The following MSRA variants were observed in gnomAD, a reference collection of about 807,000 sequenced individuals.
MSRA encodes the protein mitochondrial peptide methionine sulfoxide reductase.
A neutral mutation model predicts 31.3 loss-of-function variants in MSRA; 54 were observed. That is an observed-to-expected ratio of 1.73 (90% CI 1.39 to 2.17). MSRA has a LOEUF of 2.17. Ranked by LOEUF, MSRA falls within the 30% of genes most tolerant of loss-of-function variation. The pLI, the probability that MSRA is intolerant of heterozygous loss-of-function variation, is 0.00. For missense variants in MSRA, 507 were observed against 300.9 expected (o/e 1.69, Z -5.07); for synonymous variants, 169 against 116.5 (o/e 1.45, Z -2.90).
chr8:10,197,268 C>T (rs1368306673), intron 1 of MSRA, among the ~76,000 whole-genome samples: 1 of 152,064 alleles, frequency 6.6e-6, no homozygotes, highest in African/African-American at 2.4e-5. Context: ...TCACAGACGC[C>T]TAAGTTAGAC....
At chr8:10,217,696 A>C (rs576534535) in intron 2 of MSRA, among the ~76,000 whole-genome samples, 1 of 152,118 alleles carries the variant, frequency 6.6e-6, no homozygotes, top group Non-Finnish European at 1.5e-5. Flanking sequence ...CAGCTGCCCT[A>C]TCAACTCATC....
chr8:10,143,237 C>A (rs1331482802), intron 1 of MSRA, among the ~76,000 whole-genome samples: 1 of 152,132 alleles, frequency 6.6e-6, no homozygotes, highest in African/African-American at 2.4e-5. Context: ...ACTTATCCCT[C>A]ACATCACCCG....
chr8:10,159,177 C>G (rs554944281), intron 1 of MSRA, among the ~76,000 whole-genome samples: 1 of 152,106 alleles, frequency 6.6e-6, no homozygotes, highest in South Asian at 2.1e-4. Flanking sequence ...AAATACTGTC[C>G]GTAAGAATTT....
At chr8:10,397,536 G>A (rs929351133) in intron 5 of MSRA, among the ~76,000 whole-genome samples, 2 of 152,218 alleles carry the variant, frequency 1.3e-5, no homozygotes, top group African/African-American at 4.8e-5. Context: ...CCAGGCTTCA[G>A]GGTGCTTCTC....
intron 1 of MSRA, among the ~76,000 whole-genome samples, chr8:10,174,564 C>A (rs1465568617): frequency 6.6e-6 from 1 of 152,074 alleles, no homozygotes; most frequent in African/African-American, 2.4e-5. Flanking sequence ...GCCTGCAGTC[C>A]TACGTTCTTC....
At chr8:10,182,088 C>T (rs1012988716) in intron 1 of MSRA, among the ~76,000 whole-genome samples, 2 of 152,192 alleles carry the variant, frequency 1.3e-5, no homozygotes, top group Non-Finnish European at 2.9e-5. Flanking sequence ...TAGCTCTGAC[C>T]TCCTAACTTT....
At chr8:10,369,170 G>C (rs1332511429) in intron 5 of MSRA, among the ~76,000 whole-genome samples, 2 of 151,290 alleles carry the variant, frequency 1.3e-5, no homozygotes, top group Non-Finnish European at 2.9e-5. Context: ...TTTCAAAACT[G>C]TTCAATATTA....
intron 5 of MSRA, among the ~76,000 whole-genome samples, chr8:10,418,638 T>C (rs1585737071): frequency 6.6e-6 from 1 of 152,052 alleles, no homozygotes; most frequent in Non-Finnish European, 1.5e-5. Flanking sequence ...AGAGACACTA[T>C]TGTACGTTCA....
At chr8:10,317,133 C>T (rs1410973132) in intron 4 of MSRA, among the ~76,000 whole-genome samples, 1 of 152,200 alleles carries the variant, frequency 6.6e-6, no homozygotes, top group Admixed American at 6.5e-5. Context: ...GAGATTGCTC[C>T]CGCAAAGCTC....
In MSRA at chr8:10,366,872, C is replaced by G. The variant is rs527741372; in HGVS notation, c.543+46883C>G. On this transcript the variant is annotated intron_variant, in intron 5 of 5. Transcript: ENST00000317173. ...GACCACCAGACCCAAGGCTGCCAGA[C>G]CACGCTGTTGCCTCTGTGAAAGCCA... Among the ~76,000 whole-genome samples, 17 of 152,240 alleles carry G rather than the reference C, an allele frequency of 1.1e-4. 1 individual carries two copies. The South Asian group carries it at 3.3e-3, about 30-fold the overall frequency.
rs527663838 is a variant in MSRA, at chr8:10,357,384, T to G, written c.543+37395T>G. ...TCGACCCACTTTTCAGACATTGACT[T>G]GGTTTCCTGTCTTCCTTAAGACTGA... On this transcript the variant is annotated intron_variant, in intron 5 of 5. Coordinates refer to ENST00000317173, the MANE Select transcript of MSRA (RefSeq NM_012331.5). 3.5e-4 allele frequency among the ~76,000 whole-genome samples: 54 copies of G among 152,362 alleles called. 1 individual carries two copies. The East Asian group carries it at 5.8e-3, about 16-fold the overall frequency.
Position 10,377,327 on chromosome 8 carries a change from C to T in MSRA, c.544-50821C>T, listed in dbSNP as rs114796737. Among the ~76,000 whole-genome samples, 115 of 152,388 alleles carry T rather than the reference C, an allele frequency of 7.5e-4. 1 individual carries two copies. The highest frequency in any genetic ancestry group is 2.7e-3 in the African/African-American group (111 of 41,596). On this transcript the variant is annotated intron_variant, in intron 5 of 5. Coordinates refer to ENST00000317173, the MANE Select transcript of MSRA (RefSeq NM_012331.5). ...TTAAGGGGATTTCTGCCAGCATCTA[C>T]GTGGGACTTCTGATTTGAGGCACAG... is the stretch of plus-strand genomic sequence containing the variant.
rs1810319572 is a variant in MSRA at position 10,219,799 on chromosome 8, C to T, written c.211+11898C>T. On this transcript the variant is annotated intron_variant, in intron 2 of 5. Transcript: ENST00000317173. Reference sequence around the variant, plus strand: ...TCAGCCTGGACGACAGATCGAGACTCTGTCTCCAAAAAAAAAAAAAAAAAA... The same window carrying T: ...TCAGCCTGGACGACAGATCGAGACTTTGTCTCCAAAAAAAAAAAAAAAAAA... Among the ~76,000 whole-genome samples the T allele has an allele frequency of 2.1e-4, 5 of 23,700 alleles. No homozygotes were observed. In the South Asian group the frequency reaches 0.016, roughly 78 times the overall value. The allele number at this position is 23,700 out of a possible 152,430, so 15.5% of individuals were successfully genotyped here.
chr8:10,321,562 T>G (rs1802044191), intron 5 of MSRA, among the ~76,000 whole-genome samples: 1 of 152,324 alleles, frequency 6.6e-6, no homozygotes, highest in Non-Finnish European at 1.5e-5. Context: ...TGCCCATATG[T>G]AATTCATCTC....
At chr8:10,159,722 C>G (rs991788740) in intron 1 of MSRA, among the ~76,000 whole-genome samples, 1 of 152,132 alleles carries the variant, frequency 6.6e-6, no homozygotes, top group African/African-American at 2.4e-5. Flanking sequence ...GGCATTATCT[C>G]TTAAGTCTTC....
intron 3 of MSRA, among the ~76,000 whole-genome samples, chr8:10,283,836 T>TATATATATATATATATATATATACACAC (rs1261287031): frequency 7.5e-5 from 4 of 53,156 alleles, no homozygotes; most frequent in Non-Finnish European, 1.3e-4. Flanking sequence ...TATATATATA[T>TATATATATATATATATATATATACACAC]ACACACACAC....
chr8:10,265,886 C>T (rs1166081618), intron 3 of MSRA, among the ~76,000 whole-genome samples: 1 of 152,170 alleles, frequency 6.6e-6, no homozygotes, highest in Admixed American at 6.5e-5. Flanking sequence ...TGCCTGGCTT[C>T]TTTGATTCCA....
chr8:10,374,982 T>G (rs1805677641), intron 5 of MSRA, among the ~76,000 whole-genome samples: 1 of 152,214 alleles, frequency 6.6e-6, no homozygotes, highest in Non-Finnish European at 1.5e-5. Context: ...GCGATATGCC[T>G]GCTTCCCCTT....
chr8:10,117,949 A>G (rs541963316), intron 1 of MSRA, among the ~76,000 whole-genome samples: 4 of 152,356 alleles, frequency 2.6e-5, no homozygotes, highest in East Asian at 3.9e-4. Flanking sequence ...TGCTGAAGGT[A>G]GAACATAAAC....
Sources: gnomAD v4.1 joint callset for allele counts (sites outside exome capture counted in the v4.1 genomes callset) on GRCh38, gnomAD v4.1.1 for gene constraint, MANE v1.5 for transcripts, NCBI Gene and HGNC (gene_info 2026-07-23, HGNC 2026-07-21) for gene names.